QARS1: variants seen among roughly 807,000 people sequenced by gnomAD.
QARS1 encodes the protein glutaminyl-tRNA synthetase 1, also known as glutamine--tRNA ligase.
A neutral mutation model predicts 106.9 loss-of-function variants in QARS1; 79 were observed. That is an observed-to-expected ratio of 0.74 (90% CI 0.62 to 0.89). The LOEUF (loss-of-function observed/expected upper bound fraction) is 0.89. Among genes scored for constraint, QARS1 ranks in the 40% least tolerant of loss-of-function variants. The pLI, the probability that QARS1 is intolerant of heterozygous loss-of-function variation, is 0.00. For synonymous variants in QARS1, 395 were observed against 367.7 expected (o/e 1.07, Z -0.85); for missense variants, 966 against 997.2 (o/e 0.97, Z 0.42).
chr3:49,099,115 C>T lies in QARS1; in HGVS notation c.1753G>A (p.Ala585Thr), dbSNP rs1441681467. The T allele has an allele frequency of 6.2e-7, 1 of 1,614,218 alleles. No homozygotes were observed. Among genetic ancestry groups the T allele is most frequent in the East Asian group, 2.2e-5 (1 of 44,886 alleles). ...LRVIITNFPA[A>T]KSLDIQVPNF... ...ACATGTTGAGGCAGGCCCACCTTGGCAGCAGGAAAGTTGGTGATGATGACC... is the reference window on the plus strand; with the variant it reads ...ACATGTTGAGGCAGGCCCACCTTGGTAGCAGGAAAGTTGGTGATGATGACC... The change falls in exon 18 of 24, where the codon GCC becomes ACC. Residue 585 changes from alanine (A) to threonine (T), a missense_variant. Physicochemically the swap from Ala to Thr is moderately conservative, Grantham distance 58. Coordinates refer to ENST00000306125, the MANE Select transcript of QARS1 (RefSeq NM_005051.3).
At chr3:49,096,725 G>C (rs1221348516) in intron 23 of QARS1, among the ~76,000 whole-genome samples, 1 of 145,140 alleles carries the variant, frequency 6.9e-6, no homozygotes, top group Non-Finnish European at 1.5e-5. Flanking sequence ...GCGTGAACCC[G>C]GGAGGCAGAG....
Position 49,104,708 on chromosome 3 carries a change from A to G in QARS1, c.26T>C (p.Leu9Pro). ...CTCGCTCAGGCCGAGGCTAGTGAAG[A>G]GCGACAGGGAGTCTAGAGCCGCCAT... MAALDSLS[L>P]FTSLGLSEQK... is the part of the protein sequence containing the mutation. The change falls in exon 1 of 24, where the codon CTC (leucine) becomes CCC (proline). Residue 9 changes from leucine (L) to proline (P), a missense_variant. Physicochemically the swap from Leu to Pro is moderately conservative, Grantham distance 98 (BLOSUM62 -3). Coordinates refer to ENST00000306125, the MANE Select transcript of QARS1 (RefSeq NM_005051.3). The G allele has an allele frequency of 6.2e-7, 1 of 1,612,730 alleles. No homozygotes were observed.
intron 7 of QARS1, 33 bp from the exon 8 acceptor site, chr3:49,101,932 C>T (rs777075260): frequency 6.3e-7 from 1 of 1,584,780 alleles, no homozygotes; most frequent in Admixed American, 1.8e-5. Context: ...AACTTGTCCT[C>T]TAGATACATT....
At chr3:49,103,277 C>T in intron 5 of QARS1, 68 bp downstream of exon 5, 2 of 1,535,162 alleles carry the variant, frequency 1.3e-6, no homozygotes, top group Non-Finnish European at 1.8e-6. Flanking sequence ...CCTTTTATCC[C>T]TTAGTGGATT....
In QARS1 at chr3:49,100,431, G is replaced by A. The variant is rs778484822; in HGVS notation, c.1004C>T (p.Ala335Val). ...ATATAGCTGGTCAAAATAGTCAGAC[G>A]CATATGTGACTTTGTAAGGTGTGTA... ...LGYTPYKVTY[A>V]SDYFDQLYAW... Residue 335 changes from alanine to valine, a missense_variant, in exon 12 of 24, where the codon GCG becomes GTG. By Grantham distance (64) the Ala-to-Val change is moderately conservative. Transcript: ENST00000306125. 2.7e-5 allele frequency: 44 copies of A among 1,614,080 alleles called. No individual in the cohort carries two copies. The highest frequency in any genetic ancestry group is 3.2e-5 in the Non-Finnish European group (38 of 1,180,044).
In QARS1 at chr3:49,099,774, C is replaced by A; in HGVS notation, c.1375G>T (p.Glu459Ter). The change falls in exon 15 of 24, where the codon GAA becomes TAA. Residue 459 changes from glutamate to a stop codon, truncating the protein, a stop_gained. Transcript: ENST00000306125. LOFTEE classifies it high-confidence loss of function. ...CAGCTCCCTCACCGGGCCTGGAATT[C>A]CTTGGTGCAGAGTGAGTGAGTGATG... ...EHITHSLCTK[E>*]FQARRSSYFW... The A allele has an allele frequency of 1.2e-6, 2 of 1,614,062 alleles. No homozygotes were observed.
At position 49,101,631 on chromosome 3, in the gene QARS1, TA is replaced by T; in HGVS notation, c.777del (p.Thr260LeufsTer63). The part of the protein sequence containing the change: ...TMNLLKQHLE[I>X]TGGQVRTRFP... ...ACATCCCCACACACCTGCCCACCAG[TA>T]ATCTCCAGGTGCTGCTTTAGTAGAT... On this transcript the variant is annotated frameshift_variant, in exon 9 of 24. Transcript: ENST00000306125. LOFTEE classifies it high-confidence loss of function. The T allele has an allele frequency of 6.2e-7, 1 of 1,613,758 alleles. No homozygotes were observed. Among genetic ancestry groups the T allele is most frequent in the Non-Finnish European group, 8.5e-7 (1 of 1,179,998 alleles).
Position 49,102,428 on chromosome 3 carries a change from C to A in QARS1, c.561G>T (p.Lys187Asn). Residue 187 changes from lysine to asparagine, a missense_variant, in exon 6 of 24, where the codon AAG (lysine) becomes AAT (asparagine). Physicochemically the swap from Lys to Asn is moderately conservative, Grantham distance 94. Coordinates refer to ENST00000306125, the MANE Select transcript of QARS1 (RefSeq NM_005051.3). ...LGPKLEADLE[K>N]KFKVAKARLE... ...CCATGCCCATCCCTACCTTGAACTT[C>A]TTCTCCAGATCAGCCTCCAACTTGG... 5 of 1,614,186 alleles carry A rather than the reference C, an allele frequency of 3.1e-6. No homozygotes were observed. The highest frequency in any genetic ancestry group is 4.2e-6 in the Non-Finnish European group (5 of 1,180,028).
In QARS1 at chr3:49,098,252, C is replaced by A; in HGVS notation, c.2091G>T (p.Gln697His). 1 of 1,614,206 alleles carries A rather than the reference C, an allele frequency of 6.2e-7. No homozygotes were observed. The change falls in exon 22 of 24, where the codon CAG (glutamine) becomes CAT (histidine). Residue 697 changes from glutamine to histidine, a missense_variant. Gln to His is a conservative substitution (Grantham distance 24). Transcript: ENST00000306125. Reference protein sequence around the residue: ...CEVRLYERLFQHKNPEDPTEV... With the variant: ...CEVRLYERLFHHKNPEDPTEV... ...CAGTAGGATCTTCAGGGTTCTTGTG[C>A]TGGAATCTGCAGCCAAAGTGAAGGT...
chr3:49,100,447 A>G lies in QARS1; in HGVS notation c.988T>C (p.Tyr330His). ...TAGTCAGACGCATATGTGACTTTGT[A>G]AGGTGTGTAGCCTGGGGCAAAATGA... Reference protein sequence around the residue: ...DMVAWLGYTPYKVTYASDYFD... With the variant: ...DMVAWLGYTPHKVTYASDYFD... Residue 330 changes from tyrosine (Y) to histidine (H), a missense_variant, in exon 12 of 24, where the codon TAC becomes CAC. Physicochemically the swap from Tyr to His is moderately conservative, Grantham distance 83. Transcript: ENST00000306125. 1 of 1,614,224 alleles carries G rather than the reference A, an allele frequency of 6.2e-7. No homozygotes were observed. Among genetic ancestry groups the G allele is most frequent in the Non-Finnish European group, 8.5e-7 (1 of 1,180,030 alleles).
chr3:49,103,293 C>T (rs989002298), intron 5 of QARS1, 52 bp downstream of exon 5: 3 of 1,586,430 alleles, frequency 1.9e-6, no homozygotes, highest in African/African-American at 1.3e-5. Flanking sequence ...GGATTCCAGG[C>T]TCTGTTCATG....
At position 49,101,877 on chromosome 3, in the gene QARS1, CAG is replaced by C. The variant is rs2042476458; in HGVS notation, c.652_653del (p.Leu218ValfsTer12). 1 of 1,612,184 alleles carries C rather than the reference CAG, an allele frequency of 6.2e-7. No individual in the cohort carries two copies. Among genetic ancestry groups the C allele is most frequent in the African/African-American group, 1.3e-5 (1 of 74,878 alleles). ...CCCCCCGGAGCTGCTCCATCAGAGACAGGGTCTGGTCAGCAGTCTCGCCTGTG... is the reference window on the plus strand; with the variant it reads ...CCCCCCGGAGCTGCTCCATCAGAGACGGTCTGGTCAGCAGTCTCGCCTGTG... ...VENGETADQT[L>X]SLMEQLRGEA... is the part of the protein sequence containing the mutation. On this transcript the variant is annotated frameshift_variant, in exon 8 of 24. Transcript: ENST00000306125. LOFTEE classifies it high-confidence loss of function.
chr3:49,098,871 C>A lies in QARS1; in HGVS notation c.1863+14G>T, dbSNP rs1057521351. ...ACTCAGCAGCAAACGGGACCCTCCACCCCCACAATTTACCTCCTTGAAGTC... is the reference window on the plus strand; with the variant it reads ...ACTCAGCAGCAAACGGGACCCTCCAACCCCACAATTTACCTCCTTGAAGTC... On this transcript the variant is annotated intron_variant, in intron 19 of 23. Transcript: ENST00000306125. 1 of 1,599,246 alleles carries A rather than the reference C, an allele frequency of 6.3e-7. No individual in the cohort carries two copies. Among genetic ancestry groups the A allele is most frequent in the Non-Finnish European group, 8.6e-7 (1 of 1,166,520 alleles).
intron 23 of QARS1, 151 bp downstream of exon 23, chr3:49,097,841 C>T: frequency 8.6e-7 from 1 of 1,164,010 alleles, no homozygotes; most frequent in Non-Finnish European, 1.2e-6. Context: ...TGGAGTTATC[C>T]TCAGTGCCAG....
At chr3:49,103,319 G>A (rs754620824) in intron 5 of QARS1, 26 bp downstream of exon 5, 3 of 1,612,180 alleles carry the variant, frequency 1.9e-6, no homozygotes, top group African/African-American at 1.3e-5. Context: ...GTCTTTGCCA[G>A]CTTCAGCTTA....
In QARS1 at chr3:49,100,229, C is replaced by T; in HGVS notation, c.1125G>A (p.Trp375Ter). The change falls in exon 13 of 24, where the codon TGG (tryptophan) becomes TGA (stop). Residue 375 changes from tryptophan (W) to a stop codon, truncating the protein, a stop_gained. Transcript: ENST00000306125. LOFTEE classifies it high-confidence loss of function. ...LKGHNTLPSP[W>*]RDRPMEESLL... Reference sequence around the variant, plus strand: ...GTGACTCCTCCATGGGACGGTCTCTCCAGGGTGAAGGCAGAGTATTATGGC... The same window carrying T: ...GTGACTCCTCCATGGGACGGTCTCTTCAGGGTGAAGGCAGAGTATTATGGC... The T allele has an allele frequency of 6.2e-7, 1 of 1,614,250 alleles. No homozygotes were observed. The highest frequency in any genetic ancestry group is 8.5e-7 in the Non-Finnish European group (1 of 1,180,056).
At chr3:49,099,454 A>G (rs571283388) in intron 16 of QARS1, 23 bp from the exon 17 acceptor site, 11 of 1,614,198 alleles carry the variant, frequency 6.8e-6, no homozygotes, top group Middle Eastern at 1.6e-4. Flanking sequence ...AGGTGGTGAG[A>G]AGGCCTTTGG....
rs1422194430 is a variant in QARS1, at chr3:49,104,338, T to C, written c.251A>G (p.Glu84Gly). Residue 84 changes from glutamate to glycine, a missense_variant, in exon 2 of 24, where the codon GAG becomes GGG. Physicochemically the swap from Glu to Gly is moderately conservative, Grantham distance 98. Transcript: ENST00000306125. ...AGGGGTCTCACCGCTTAGCTGGGGC[T>C]CAGTGTGGATCTTCTTACTGGCTAT... is the stretch of plus-strand genomic sequence containing the variant. ...SYIASKKIHT[E>G]PQLSAALEYV... The C allele has an allele frequency of 6.2e-7, 1 of 1,614,130 alleles. No homozygotes were observed. Among genetic ancestry groups the C allele is most frequent in the Non-Finnish European group, 8.5e-7 (1 of 1,180,004 alleles).
In QARS1 at chr3:49,103,954, C is replaced by T; in HGVS notation, c.284G>A (p.Arg95Gln). 2 of 1,613,890 alleles carry T rather than the reference C, an allele frequency of 1.2e-6. No homozygotes were observed. Among genetic ancestry groups the T allele is most frequent in the Non-Finnish European group, 1.7e-6 (2 of 1,180,004 alleles). The part of the protein sequence containing the change: ...PQLSAALEYV[R>Q]SHPLDPIDTV... ...GTCGATGGGGTCCAAGGGGTGACTC[C>T]GCACATACTCAAGGGCAGCTGAGAA... Residue 95 changes from arginine (R) to glutamine (Q), a missense_variant, in exon 3 of 24, where the codon CGG (arginine) becomes CAG (glutamine). Arg to Gln is a conservative substitution (Grantham distance 43, BLOSUM62 1). Coordinates refer to ENST00000306125, the MANE Select transcript of QARS1 (RefSeq NM_005051.3).
Sources: gnomAD v4.1 joint callset for allele counts (sites outside exome capture counted in the v4.1 genomes callset) on GRCh38, gnomAD v4.1.1 for gene constraint, MANE v1.5 for transcripts, NCBI Gene and HGNC (gene_info 2026-07-23, HGNC 2026-07-21) for gene names.